ITGB3BP: variants seen among roughly 807,000 people sequenced by gnomAD.
The protein encoded by ITGB3BP is centromere protein R.
Under a neutral mutation model 29.1 loss-of-function variants are expected in ITGB3BP, and 27 were observed. That is an observed-to-expected ratio of 0.93 (90% CI 0.68 to 1.28). The LOEUF (loss-of-function observed/expected upper bound fraction) is 1.28. Among genes scored for constraint, ITGB3BP ranks in the 50% most tolerant of loss-of-function variants. ITGB3BP has a pLI of 0.00. For synonymous variants in ITGB3BP, 61 were observed against 61.4 expected (o/e 0.99, Z 0.03); for missense variants, 192 against 200.2 (o/e 0.96, Z 0.25).
At chr1:63,494,242 C>T (rs10789141) in intron 2 of ITGB3BP, among the ~76,000 whole-genome samples, 59,887 of 151,776 alleles carry the variant, frequency 0.39, 13,559 homozygotes, top group Non-Finnish European at 0.52. Flanking sequence ...CGGGTTCAAG[C>T]GAAGTAGCTG....
intron 4 of ITGB3BP, among the ~76,000 whole-genome samples, chr1:63,469,232 A>G (rs544831233): frequency 6.6e-6 from 1 of 152,262 alleles, no homozygotes; most frequent in East Asian, 1.9e-4. Context: ...ATTACTAGCT[A>G]TTATTACCCA....
upstream of ITGB3BP, chr1:63,523,510 G>A: frequency 6.7e-6 from 2 of 297,426 alleles, no homozygotes; most frequent in Non-Finnish European, 1.3e-5. Context: ...CTTATTTCCG[G>A]TGGCGGTGAG....
intron 1 of ITGB3BP, among the ~76,000 whole-genome samples, chr1:63,510,569 A>G (rs1646178691): frequency 6.6e-6 from 1 of 152,218 alleles, no homozygotes; most frequent in African/African-American, 2.4e-5. Flanking sequence ...TCGGACATCT[A>G]ATAACCAAAA....
chr1:63,512,096 AAGTT>A (rs1393261372), intron 1 of ITGB3BP, among the ~76,000 whole-genome samples: 2 of 152,044 alleles, frequency 1.3e-5, no homozygotes, highest in African/African-American at 4.8e-5. Flanking sequence ...CGTAATTTAC[AAGTT>A]ATATTATATT....
intron 1 of ITGB3BP, among the ~76,000 whole-genome samples, chr1:63,513,695 A>G (rs894926515): frequency 6.6e-6 from 1 of 152,172 alleles, no homozygotes; most frequent in African/African-American, 2.4e-5. Context: ...ATGATTTCAT[A>G]TTGACATCTC....
chr1:63,529,119 ATACT>A (rs1377297880), intron 2 of ITGB3BP: 3 of 152,244 alleles, frequency 2.0e-5, no homozygotes, highest in Non-Finnish European at 4.4e-5. Context: ...ACTAGGCAAA[ATACT>A]TACTTACCTG....
At chr1:63,480,289 T>C (rs1459465525) in intron 3 of ITGB3BP, among the ~76,000 whole-genome samples, 1 of 152,134 alleles carries the variant, frequency 6.6e-6, no homozygotes, top group Non-Finnish European at 1.5e-5. Context: ...TAGTAGAACA[T>C]AATGTTTGTA....
chr1:63,487,856 T>C (rs1645561393), intron 3 of ITGB3BP, among the ~76,000 whole-genome samples: 1 of 152,068 alleles, frequency 6.6e-6, no homozygotes, highest in African/African-American at 2.4e-5. Flanking sequence ...ACCACAAAAA[T>C]GTGAGTAACG....
intron 4 of ITGB3BP, among the ~76,000 whole-genome samples, chr1:63,468,692 T>C (rs970271588): frequency 4.0e-5 from 6 of 151,746 alleles, no homozygotes; most frequent in Non-Finnish European, 5.9e-5. Flanking sequence ...AGAAACCCCA[T>C]CTCTACTAAA....
At chr1:63,490,629 C>A (rs781754087) in intron 2 of ITGB3BP, among the ~76,000 whole-genome samples, 1 of 152,120 alleles carries the variant, frequency 6.6e-6, no homozygotes, top group African/African-American at 2.4e-5. Context: ...TAGGAAGGAT[C>A]ACTGCTGTCC....
intron 8 of ITGB3BP, among the ~76,000 whole-genome samples, chr1:63,442,271 T>A (rs142598388): frequency 6.6e-6 from 1 of 152,226 alleles, no homozygotes; most frequent in East Asian, 1.9e-4. Flanking sequence ...ACAAATTTGA[T>A]TGGCCAAAGT....
chr1:63,455,756 C>T (rs1288209689), intron 4 of ITGB3BP, among the ~76,000 whole-genome samples: 1 of 151,972 alleles, frequency 6.6e-6, no homozygotes, highest in Non-Finnish European at 1.5e-5. Context: ...AATTTTAAGA[C>T]CCCACAGCTG....
In ITGB3BP at chr1:63,510,167, GC is replaced by G. The variant is rs1330140055; in HGVS notation, c.6-1598del. 5 of 530,106 alleles carry G rather than the reference GC, an allele frequency of 9.4e-6. No homozygotes were observed. In the East Asian group the frequency reaches 1.6e-4, roughly 17 times the overall value. The allele number at this position is 530,106 out of a possible 1,614,324, so 32.8% of individuals were successfully genotyped here. On this transcript the variant is annotated intron_variant, in intron 1 of 8. Transcript: ENST00000271002. ...ATCGTGCCATTGCACTCTAGCCTGG[GC>G]AACGGGAGCAAAACTGTCTCAAAAA...
upstream of ITGB3BP, chr1:63,525,702 TTAAC>T (rs772745721): frequency 6.3e-7 from 1 of 1,589,560 alleles, no homozygotes; most frequent in South Asian, 1.2e-5. Context: ...AGCTGCCTAC[TTAAC>T]TGTCTTCAAA....
rs181784171 is a variant in ITGB3BP, at chr1:63,491,759, T to G, written c.49-1541A>C. Among the ~76,000 whole-genome samples the G allele has an allele frequency of 4.7e-4, 71 of 152,294 alleles. 1 individual carries two copies. The highest frequency in any genetic ancestry group is 1.6e-3 in the African/African-American group (67 of 41,574). ...TGAAAGGCATTGTTTATTTTATGTA[T>G]CCATAGTGGCCACAAATGCGATGAA... On this transcript the variant is annotated intron_variant, in intron 2 of 8. Transcript: ENST00000271002.
At chr1:63,474,912 AAAT>A (rs1179785763) in intron 4 of ITGB3BP, among the ~76,000 whole-genome samples, 2 of 15,662 alleles carry the variant, frequency 1.3e-4, no homozygotes, top group Non-Finnish European at 9.6e-3. Context: ...TAAATAAATA[AAAT>A]AAAAACAAAA....
chr1:63,524,284 A>G (rs563839703), upstream of ITGB3BP, among the ~76,000 whole-genome samples: 47 of 152,330 alleles, frequency 3.1e-4, no homozygotes, highest in South Asian at 8.3e-3. Flanking sequence ...GCATGCACAC[A>G]TATGTGTTTA....
intron 1 of ITGB3BP, among the ~76,000 whole-genome samples, chr1:63,521,224 G>C (rs1374755248): frequency 6.7e-6 from 1 of 150,132 alleles, no homozygotes; most frequent in Non-Finnish European, 1.5e-5. Flanking sequence ...ATAACTATTT[G>C]CACCACTCAT....
chr1:63,441,397 C>A (rs1248435215), intron 8 of ITGB3BP, among the ~76,000 whole-genome samples: 1 of 151,842 alleles, frequency 6.6e-6, no homozygotes, highest in African/African-American at 2.4e-5. Flanking sequence ...GCCACCACAC[C>A]CAGCTAATTT....
Sources: allele counts gnomAD v4.1 joint callset (sites outside exome capture counted in the v4.1 genomes callset), GRCh38; gene constraint gnomAD v4.1.1; transcripts MANE v1.5; gene names NCBI Gene and HGNC (gene_info 2026-07-23, HGNC 2026-07-21).